Variants in PLA2G4F observed in about 807,000 individuals in gnomAD.
PLA2G4F encodes the protein cytosolic phospholipase A2 zeta.
PLA2G4F carries 105 observed loss-of-function variants against 103.1 expected under a neutral mutation model. That is an observed-to-expected ratio of 1.02 (90% CI 0.87 to 1.20). PLA2G4F has a LOEUF of 1.20. Among genes scored for constraint, PLA2G4F ranks in the 50% most tolerant of loss-of-function variants. The pLI is 0.00. For synonymous variants in PLA2G4F, 468 were observed against 441.1 expected (o/e 1.06, Z -0.76); for missense variants, 1,155 against 1,075.9 (o/e 1.07, Z -1.03).
At chr15:42,148,788 T>C in intron 11 of PLA2G4F, 2 of 985,418 alleles carry the variant, frequency 2.0e-6, no homozygotes, top group Non-Finnish European at 2.4e-6. Context: ...CATTCCACTC[T>C]GGATTTTTGT....
At chr15:42,146,682 TG>T in intron 13 of PLA2G4F, 1 of 219,202 alleles carries the variant, frequency 4.6e-6, no homozygotes, top group Non-Finnish European at 9.1e-6. Flanking sequence ...TCTTATCGCC[TG>T]GAACTGCAGC....
Position 42,145,667 on chromosome 15 carries a change from G to A in PLA2G4F, c.1688C>T (p.Ala563Val), listed in dbSNP as rs768220011. ...ICYLQGMWGS[A>V]FATSLDEIFL... Reference sequence around the variant, plus strand: ...GATCTCATCCAGGCTGGTGGCAAAGGCGCTGCCCCACATACCTAAGGAGAC... The same window carrying A: ...GATCTCATCCAGGCTGGTGGCAAAGACGCTGCCCCACATACCTAAGGAGAC... Residue 563 changes from alanine to valine, a missense_variant, in exon 16 of 20, where the codon GCC (alanine) becomes GTC (valine). Physicochemically the swap from Ala to Val is moderately conservative, Grantham distance 64. Coordinates refer to ENST00000397272, the MANE Select transcript of PLA2G4F (RefSeq NM_213600.4). The A allele has an allele frequency of 1.9e-6, 3 of 1,614,094 alleles. No homozygotes were observed. The highest frequency in any genetic ancestry group is 3.3e-5 in the Admixed American group (2 of 60,024).
At chr15:42,145,742 C>A (rs1472130335) in intron 15 of PLA2G4F, 24 bp downstream of exon 15, 3 of 1,613,784 alleles carry the variant, frequency 1.9e-6, no homozygotes, top group Non-Finnish European at 2.5e-6. Flanking sequence ...CCTGCCTGTC[C>A]CCAGCCCTCC....
intron 6 of PLA2G4F, 132 bp downstream of exon 6, chr15:42,153,168 C>A (rs1451214733): frequency 5.6e-6 from 6 of 1,078,598 alleles, no homozygotes; most frequent in Non-Finnish European, 8.0e-6. Flanking sequence ...TCTGGAGGTG[C>A]CTCCCTAGCA....
chr15:42,154,482 C>G, intron 2 of PLA2G4F, 24 bp from the exon 3 acceptor site: 2 of 1,534,906 alleles, frequency 1.3e-6, no homozygotes, highest in Non-Finnish European at 1.8e-6. Context: ...AGGGAGGGGC[C>G]GGGGCCTCAA....
chr15:42,151,379 G>A (rs2048960738), intron 7 of PLA2G4F: 2 of 985,246 alleles, frequency 2.0e-6, no homozygotes, highest in African/African-American at 3.5e-5. Flanking sequence ...GGAGTGAGGG[G>A]GTGGGCTTGT....
intron 11 of PLA2G4F, chr15:42,148,746 TG>T (rs2048920836): frequency 1.0e-6 from 1 of 985,300 alleles, no homozygotes; most frequent in Admixed American, 6.1e-5. Context: ...TCCATGCTTT[TG>T]GTTGCTTAGC....
In PLA2G4F at chr15:42,142,287, C is replaced by T. The variant is rs1235889387; in HGVS notation, c.2330-83G>A. The T allele has an allele frequency of 2.2e-6, 3 of 1,354,374 alleles. No individual in the cohort carries two copies. In the Admixed American group the frequency reaches 7.1e-5, roughly 32 times the overall value. The allele number at this position is 1,354,374 out of a possible 1,614,324, so 83.9% of individuals were successfully genotyped here. On this transcript the variant is annotated intron_variant, in intron 19 of 19. Transcript: ENST00000397272. ...GAACAGCCCAGAAGTCTTCCTTGTG[C>T]AGGACACCTGGCTGGCTCCCTGCGG...
At chr15:42,142,275 G>A (rs1299183772) in intron 19 of PLA2G4F, 71 bp from the exon 20 acceptor site, 4 of 1,421,356 alleles carry the variant, frequency 2.8e-6, no homozygotes, top group Admixed American at 2.1e-5. Flanking sequence ...CAGCCCAGAA[G>A]TCTTCCTTGT....
chr15:42,143,788 C>G (rs1458118452), intron 18 of PLA2G4F, among the ~76,000 whole-genome samples, 190 bp downstream of exon 18: 1 of 152,192 alleles, frequency 6.6e-6, no homozygotes, highest in Admixed American at 6.5e-5. Context: ...AACTGGGAGA[C>G]CTGTGCTGCC....
rs1423629837 is a variant in PLA2G4F, at chr15:42,152,747, G to C, written c.542C>G (p.Pro181Arg). The C allele has an allele frequency of 6.4e-7, 1 of 1,555,404 alleles. No homozygotes were observed. Among genetic ancestry groups the C allele is most frequent in the Admixed American group, 1.9e-5 (1 of 51,486 alleles). ...GAGCGTGCCCTGGATTCTCAGACAG[G>C]GGTGAGCCTGAGGAAAGCAGAGGCC... ...VITNGVLVAH[P>R]CLRIQGTLRG... The change falls in exon 7 of 20, where the codon CCC becomes CGC. Residue 181 changes from proline (P) to arginine (R), a missense_variant. Around this residue, in one of 3 missense-constraint regions of PLA2G4F, gnomAD observed 370 missense variants for 364.9 expected, o/e 1.01. Transcript: ENST00000397272.
At chr15:42,143,294 G>A (rs963145719) in intron 18 of PLA2G4F, among the ~76,000 whole-genome samples, 5 of 151,668 alleles carry the variant, frequency 3.3e-5, no homozygotes, top group Non-Finnish European at 7.4e-5. Flanking sequence ...ATTCCGCCAT[G>A]GTCCTCCAGG....
At chr15:42,146,695 G>A (rs2048888953) in intron 13 of PLA2G4F, 1 of 220,858 alleles carries the variant, frequency 4.5e-6, no homozygotes, top group South Asian at 8.3e-5. Context: ...AACTGCAGCT[G>A]GGTCTGAAGT....
rs151028116 is a variant in PLA2G4F, at chr15:42,146,157, G to A, written c.1504C>T (p.Arg502Cys). The change falls in exon 14 of 20, where the codon CGC becomes TGC. Residue 502 changes from arginine to cysteine, a missense_variant. Arg to Cys is a radical substitution (Grantham distance 180). This residue lies in a region of PLA2G4F where 782 missense variants were observed against 692.9 expected (regional missense o/e 1.13). Coordinates refer to ENST00000397272, the MANE Select transcript of PLA2G4F (RefSeq NM_213600.4). ...PYPIYTSVNV[R>C]TNLSGEDFAE... ...AAATCTTCCCCACTCAAGTTGGTGC[G>A]GACGTTGACACTGGTGTAAATGGGG... 6.8e-4 allele frequency: 1,098 copies of A among 1,614,202 alleles called. 2 individuals are homozygous for A. Among genetic ancestry groups the A allele is most frequent in the Middle Eastern group, 1.8e-3 (11 of 6,062 alleles).
At chr15:42,149,387 G>A (rs2048928838) in intron 11 of PLA2G4F, 1 of 698,096 alleles carries the variant, frequency 1.4e-6, no homozygotes, top group African/African-American at 2.0e-5. Context: ...CCAGGAAGAG[G>A]AGAGGGAACC....
At chr15:42,150,536 T>TC in intron 8 of PLA2G4F, 50 bp from the exon 9 acceptor site, 2 of 1,597,338 alleles carry the variant, frequency 1.3e-6, no homozygotes, top group South Asian at 2.3e-5. Context: ...AAGAAAAGTC[T>TC]CCCCCAACGT....
Position 42,153,672 on chromosome 15 carries a change from G to A in PLA2G4F, c.451-12C>T. On this transcript the variant is annotated splice_polypyrimidine_tract_variant and intron_variant, in intron 4 of 19. Transcript: ENST00000397272. ...AGCTCTTGTGAATCCTACATGGAGGGGGAGGGAGCACCAATTTTTTCAAGG... is the reference window on the plus strand; with the variant it reads ...AGCTCTTGTGAATCCTACATGGAGGAGGAGGGAGCACCAATTTTTTCAAGG... 2 of 1,614,116 alleles carry A rather than the reference G, an allele frequency of 1.2e-6. No individual in the cohort carries two copies. The highest frequency in any genetic ancestry group is 2.2e-5 in the East Asian group (1 of 44,878).
At chr15:42,144,344 G>A in intron 17 of PLA2G4F, 106 bp downstream of exon 17, 2 of 1,486,700 alleles carry the variant, frequency 1.3e-6, no homozygotes, top group Non-Finnish European at 9.2e-7. Context: ...ATAGGCAGCA[G>A]GAGACCACAC....
chr15:42,145,772 G>A lies in PLA2G4F; in HGVS notation c.1666C>T (p.Leu556=), dbSNP rs373834504. The change falls in exon 15 of 20, where the codon CTG becomes TTG. Residue 556 remains leucine, a synonymous_variant. Transcript: ENST00000397272. The part of the protein sequence containing the change: ...QLQPEPRICY[L]QGMWGSAFAT... ...CCCTCCAGCCTCGACTCACCTTGCA[G>A]GTAACAGATCCGGGGTTCAGGCTGG... is the stretch of plus-strand genomic sequence containing the variant. 20 of 1,613,994 alleles carry A rather than the reference G, an allele frequency of 1.2e-5. No individual in the cohort carries two copies. The highest frequency in any genetic ancestry group is 2.2e-5 in the East Asian group (1 of 44,888).
Sources: gnomAD v4.1 joint callset for allele counts (sites outside exome capture counted in the v4.1 genomes callset) on GRCh38, gnomAD v4.1.1 for gene constraint, gnomAD v4.1.1 regional missense constraint, MANE v1.5 for transcripts, NCBI Gene and HGNC (gene_info 2026-07-23, HGNC 2026-07-21) for gene names.